ARPP21: variants seen among roughly 807,000 people sequenced by gnomAD.
The protein encoded by ARPP21 is cAMP-regulated phosphoprotein 21.
In ARPP21, 69 loss-of-function variants were observed where a neutral mutation model predicts 113.2. That is an observed-to-expected ratio of 0.61 (90% CI 0.50 to 0.74). The LOEUF is 0.74. Among genes scored for constraint, ARPP21 ranks in the 30% least tolerant of loss-of-function variants. The pLI is 0.00. For missense variants in ARPP21, 1,070 were observed against 1,037.4 expected (o/e 1.03, Z -0.43); for synonymous variants, 368 against 375.5 (o/e 0.98, Z 0.23).
At position 35,753,570 on chromosome 3, in the gene ARPP21, GA is replaced by G. The variant is rs1420600831; in HGVS notation, c.2137+9607del. On this transcript the variant is annotated intron_variant, in intron 19 of 20. Coordinates refer to ENST00000684406, the MANE Select transcript of ARPP21 (RefSeq NM_001385562.1). ...CCTTCAATCATTTCAGTTTACTCTT[GA>G]ATGAATAATAGTGGAATGGACTTAG... is the stretch of plus-strand genomic sequence containing the variant. Among the ~76,000 whole-genome samples the G allele has an allele frequency of 3.3e-5, 5 of 152,064 alleles. No homozygotes were observed. The East Asian group carries it at 7.7e-4, about 24-fold the overall frequency.
chr3:35,755,667 G>A (rs2095545833), intron 19 of ARPP21, among the ~76,000 whole-genome samples: 1 of 151,970 alleles, frequency 6.6e-6, no homozygotes, highest in African/African-American at 2.4e-5. Flanking sequence ...TGTTCACCGT[G>A]GTATCCCTAG....
chr3:35,662,883 G>A (rs974534064), intron 1 of ARPP21, among the ~76,000 whole-genome samples: 1 of 152,146 alleles, frequency 6.6e-6, no homozygotes, highest in South Asian at 2.1e-4. Flanking sequence ...CATGGAGACA[G>A]AGAGTAAAAA....
intron 1 of ARPP21, among the ~76,000 whole-genome samples, chr3:35,676,123 T>C (rs904374662): frequency 6.6e-6 from 1 of 151,986 alleles, no homozygotes; most frequent in African/African-American, 2.4e-5. Context: ...TTGCTCATAG[T>C]AGAAGCTCAG....
chr3:35,681,610 A>G (rs2078956451), intron 2 of ARPP21, 104 bp from the exon 3 acceptor site: 1 of 641,670 alleles, frequency 1.6e-6, no homozygotes. Context: ...AAAATTCTCA[A>G]AATTGCTCAT....
chr3:35,737,126 T>C lies in ARPP21; in HGVS notation c.1460-52T>C. The C allele has an allele frequency of 3.6e-6, 4 of 1,097,696 alleles. No individual in the cohort carries two copies. The South Asian group carries it at 5.5e-5, about 15-fold the overall frequency. The allele number at this position is 1,097,696 out of a possible 1,614,324, so 68.0% of individuals were successfully genotyped here. A position where few individuals can be genotyped will look rare whatever the true frequency, so the allele number is the denominator to read the frequency against. ...GTATCTAACAGAGTGGTTCTTCATGTCAAAGGAGAGATTGAGAAGCTTACC... is the reference window on the plus strand; with the variant it reads ...GTATCTAACAGAGTGGTTCTTCATGCCAAAGGAGAGATTGAGAAGCTTACC... On this transcript the variant is annotated intron_variant, in intron 15 of 20. Transcript: ENST00000684406.
At chr3:35,649,646 G>T (rs533526094) in intron 1 of ARPP21, among the ~76,000 whole-genome samples, 45 of 152,142 alleles carry the variant, frequency 3.0e-4, no homozygotes, top group Non-Finnish European at 6.0e-4. Flanking sequence ...AGTAGGCAGT[G>T]CTGAATTAGA....
At chr3:35,674,505 AT>A (rs2077029921) in intron 1 of ARPP21, among the ~76,000 whole-genome samples, 1 of 151,834 alleles carries the variant, frequency 6.6e-6, no homozygotes, top group African/African-American at 2.4e-5. Flanking sequence ...ATTGTAATTA[AT>A]TGTTCCACAT....
chr3:35,667,977 A>G (rs1045948404), intron 1 of ARPP21, among the ~76,000 whole-genome samples: 1 of 140,114 alleles, frequency 7.1e-6, no homozygotes, highest in African/African-American at 2.7e-5. Context: ...AAGAAGAAGA[A>G]GAAGAAGAAG....
intron 9 of ARPP21, among the ~76,000 whole-genome samples, chr3:35,704,365 A>C (rs2149925666): frequency 6.6e-6 from 1 of 151,924 alleles, no homozygotes; most frequent in South Asian, 2.1e-4. Flanking sequence ...CAAATAAATG[A>C]CTACTACAAA....
intron 15 of ARPP21, among the ~76,000 whole-genome samples, chr3:35,730,687 A>C (rs999332052): frequency 1.3e-5 from 2 of 152,230 alleles, no homozygotes; most frequent in Non-Finnish European, 2.9e-5. Context: ...AAACTGGATA[A>C]GTATCTCATA....
chr3:35,700,948 C>T (rs1232275711), intron 9 of ARPP21, among the ~76,000 whole-genome samples: 2 of 151,638 alleles, frequency 1.3e-5, no homozygotes, highest in Non-Finnish European at 3.0e-5. Flanking sequence ...ATGGGTACAG[C>T]AAGCCAACAT....
intron 9 of ARPP21, among the ~76,000 whole-genome samples, chr3:35,705,091 T>A (rs2088252985): frequency 6.6e-6 from 1 of 152,120 alleles, no homozygotes; most frequent in African/African-American, 2.4e-5. Context: ...TAACTGGAGT[T>A]TATCAGATTA....
chr3:35,668,027 A>AAGAAGAAGAAGAAGAAGAAGAAGG lies in ARPP21; in HGVS notation c.-212-11755_-212-11754insAAGAAGAAGAAGAAGAAGGAGAAG, dbSNP rs1553646509. Reference sequence around the variant, plus strand: ...GAAGAAGAAGAAGAAGAAGAAGAAGAAGAAGGAGAAGAAGAAGAAAGAAGA... The same window carrying AAGAAGAAGAAGAAGAAGAAGAAGG: ...GAAGAAGAAGAAGAAGAAGAAGAAGAAGAAGAAGAAGAAGAAGAAGAAGGAGAAGGAGAAGAAGAAGAAAGAAGA... On this transcript the variant is annotated intron_variant, in intron 1 of 20. Coordinates refer to ENST00000684406, the MANE Select transcript of ARPP21 (RefSeq NM_001385562.1). Among the ~76,000 whole-genome samples, 9 of 132,462 alleles carry AAGAAGAAGAAGAAGAAGAAGAAGG rather than the reference A, an allele frequency of 6.8e-5. 1 individual carries two copies. The highest frequency in any genetic ancestry group is 1.7e-4 in the African/African-American group (6 of 35,662). The allele number at this position is 132,462 out of a possible 152,430, so 86.9% of individuals were successfully genotyped here. A position where few individuals can be genotyped will look rare whatever the true frequency, so the allele number is the denominator to read the frequency against.
chr3:35,650,635 G>T (rs1240080817), intron 1 of ARPP21, among the ~76,000 whole-genome samples: 1 of 152,108 alleles, frequency 6.6e-6, no homozygotes, highest in East Asian at 1.9e-4. Flanking sequence ...GAGCACCACT[G>T]AGAAGCTTTG....
chr3:35,730,657 T>A (rs2093897086), intron 15 of ARPP21, among the ~76,000 whole-genome samples: 1 of 152,252 alleles, frequency 6.6e-6, no homozygotes, highest in Non-Finnish European at 1.5e-5. Flanking sequence ...TTTCTTCAAT[T>A]AGCTAAACTC....
intron 18 of ARPP21, among the ~76,000 whole-genome samples, chr3:35,741,145 T>C (rs2094632448): frequency 6.6e-6 from 1 of 152,188 alleles, no homozygotes; most frequent in South Asian, 2.1e-4. Flanking sequence ...AATATTTTAA[T>C]AGGAAAGTCT....
intron 10 of ARPP21, chr3:35,707,637 GT>G (rs2089661540): frequency 9.4e-6 from 4 of 427,404 alleles, no homozygotes; most frequent in South Asian, 6.7e-5. Context: ...TCCTTCCCAT[GT>G]TTTATGGTCC....
At chr3:35,660,950 G>A (rs926194725) in intron 1 of ARPP21, among the ~76,000 whole-genome samples, 1 of 152,152 alleles carries the variant, frequency 6.6e-6, no homozygotes, top group Non-Finnish European at 1.5e-5. Context: ...TAGTTGGAAA[G>A]CTAAATTGAG....
chr3:35,776,277 A>G (rs1435725470), intron 19 of ARPP21, among the ~76,000 whole-genome samples: 4 of 152,190 alleles, frequency 2.6e-5, no homozygotes, highest in Non-Finnish European at 5.9e-5. Flanking sequence ...TGCACAAAAA[A>G]TTTACAAAAT....
Sources: allele counts gnomAD v4.1 joint callset (sites outside exome capture counted in the v4.1 genomes callset), GRCh38; gene constraint gnomAD v4.1.1; transcripts MANE v1.5; gene names NCBI Gene and HGNC (gene_info 2026-07-23, HGNC 2026-07-21).